Variants in SSH2 observed in about 807,000 individuals in gnomAD.
SSH2 encodes slingshot protein phosphatase 2.
Under a neutral mutation model 135.2 loss-of-function variants are expected in SSH2, and 37 were observed. The ratio of observed to expected loss-of-function variants is 0.27; its 90% CI spans 0.21 to 0.36. The LOEUF is 0.36. Among genes scored for constraint, SSH2 ranks in the 10% least tolerant of loss-of-function variants. The pLI is 1.00. For missense variants in SSH2, 1,408 were observed against 1,765.3 expected (o/e 0.80, Z 3.63); for synonymous variants, 628 against 646.2 (o/e 0.97, Z 0.43).
intron 3 of SSH2, among the ~76,000 whole-genome samples, chr17:29,776,980 G>C (rs186660537): frequency 5.9e-5 from 9 of 152,320 alleles, no homozygotes; most frequent in Admixed American, 5.9e-4. Flanking sequence ...GGGAGGCTGA[G>C]GCGGGCAGAT....
intron 12 of SSH2, among the ~76,000 whole-genome samples, chr17:29,652,914 C>T (rs906352104): frequency 3.3e-5 from 5 of 152,254 alleles, no homozygotes; most frequent in Middle Eastern, 3.4e-3. Flanking sequence ...CTTCGGCCTC[C>T]CAAAGTGCTG....
chr17:29,716,300 C>A (rs889195897), intron 3 of SSH2: 19 of 433,390 alleles, frequency 4.4e-5, no homozygotes, highest in African/African-American at 3.9e-4. Context: ...AGGTACCTTT[C>A]TCTTTGGCTT....
At chr17:29,845,405 A>T (rs1312817887) in intron 2 of SSH2, among the ~76,000 whole-genome samples, 1 of 152,188 alleles carries the variant, frequency 6.6e-6, no homozygotes, top group Admixed American at 6.5e-5. Context: ...GGGGAAAAAA[A>T]GGTGTGGGAA....
rs185277012 is a variant in SSH2, at chr17:29,690,357, A to G, written c.357+5102T>C. Among the ~76,000 whole-genome samples the G allele has an allele frequency of 8.7e-5, 13 of 149,628 alleles. No homozygotes were observed. In the East Asian group the frequency reaches 2.6e-3, roughly 30 times the overall value. ...GAGGCGGAGGTTGTGGTGAGCCAAG[A>G]TTGCGCCATTGTACTCCAGCCTGGG... On this transcript the variant is annotated intron_variant, in intron 5 of 15. Transcript: ENST00000540801.
chr17:29,752,825 C>T (rs1156624567), intron 3 of SSH2, among the ~76,000 whole-genome samples: 1 of 136,374 alleles, frequency 7.3e-6, no homozygotes, highest in African/African-American at 3.0e-5. Flanking sequence ...TGGTCAGAAG[C>T]ACACTCAAAT....
chr17:29,826,939 T>C (rs1203419454), intron 2 of SSH2, among the ~76,000 whole-genome samples: 6 of 152,310 alleles, frequency 3.9e-5, no homozygotes, highest in African/African-American at 1.4e-4. Flanking sequence ...AGATGAAGAC[T>C]ATACCAAAAG....
At chr17:29,762,813 T>C (rs1041556052) in intron 3 of SSH2, among the ~76,000 whole-genome samples, 3 of 152,196 alleles carry the variant, frequency 2.0e-5, no homozygotes, top group African/African-American at 7.2e-5. Flanking sequence ...CCAGTCTCAT[T>C]ATGCTACAGC....
intron 1 of SSH2, among the ~76,000 whole-genome samples, chr17:29,900,291 T>C (rs1239052025): frequency 1.3e-5 from 2 of 152,122 alleles, no homozygotes; most frequent in East Asian, 3.9e-4. Context: ...TGGGATCTAA[T>C]TAAACTAAAG....
At chr17:29,836,263 C>T (rs2042942563) in intron 2 of SSH2, among the ~76,000 whole-genome samples, 1 of 151,994 alleles carries the variant, frequency 6.6e-6, no homozygotes, top group Non-Finnish European at 1.5e-5. Flanking sequence ...TTAGAGAGGC[C>T]CTTCTTGAAC....
chr17:29,712,361 C>T (rs997352712), intron 3 of SSH2, among the ~76,000 whole-genome samples: 5 of 152,198 alleles, frequency 3.3e-5, no homozygotes, highest in African/African-American at 1.2e-4. Context: ...CACTTCCCAG[C>T]TTGACTTTTC....
intron 3 of SSH2, among the ~76,000 whole-genome samples, chr17:29,763,733 T>C (rs2041376626): frequency 6.6e-6 from 1 of 152,190 alleles, no homozygotes; most frequent in African/African-American, 2.4e-5. Context: ...TTCATAAATA[T>C]GTATCTTGTC....
chr17:29,909,336 C>A (rs2066723005), intron 1 of SSH2, among the ~76,000 whole-genome samples: 1 of 151,526 alleles, frequency 6.6e-6, no homozygotes. Context: ...TATAAAAATG[C>A]CAAAATCAAG....
At position 29,631,965 on chromosome 17, in the gene SSH2, C is replaced by T. The variant is rs1457575149; in HGVS notation, c.3229G>A (p.Val1077Ile). ...TCATCCAGTGTGCAGAGCACAGTGA[C>T]AGATTTTTCCATGTTCACTTTCCTC... is the stretch of plus-strand genomic sequence containing the variant. ...GLRKVNMEKS[V>I]TVLCTLDENL... Residue 1077 changes from valine to isoleucine, a missense_variant, in exon 16 of 16, where the codon GTC (valine) becomes ATC (isoleucine). By Grantham distance (29) the Val-to-Ile change is conservative. This residue lies in a region of SSH2 where 1,080 missense variants were observed against 1,144.5 expected (regional missense o/e 0.94). Transcript: ENST00000540801. 6.2e-7 allele frequency: 1 copy of T among 1,614,236 alleles called. No individual in the cohort carries two copies. The highest frequency in any genetic ancestry group is 1.1e-5 in the South Asian group (1 of 91,090).
intron 1 of SSH2, 39 bp downstream of exon 1, chr17:29,929,898 GT>G: frequency 6.5e-7 from 1 of 1,546,500 alleles, no homozygotes; most frequent in East Asian, 2.4e-5. Flanking sequence ...CGGAGCCGCA[GT>G]GACAGAAGCA....
chr17:29,667,934 T>G (rs1381872484), intron 9 of SSH2, among the ~76,000 whole-genome samples: 2 of 152,134 alleles, frequency 1.3e-5, no homozygotes, highest in Non-Finnish European at 2.9e-5. Flanking sequence ...TAATATGAAA[T>G]CAAACTAGGT....
intron 12 of SSH2, among the ~76,000 whole-genome samples, chr17:29,655,189 C>T (rs986597830): frequency 2.6e-5 from 4 of 151,960 alleles, no homozygotes; most frequent in Admixed American, 6.6e-5. Flanking sequence ...CTGCAAGCTC[C>T]GCCTCCCAGG....
chr17:29,859,867 A>T (rs754538648), intron 1 of SSH2, among the ~76,000 whole-genome samples: 3 of 151,904 alleles, frequency 2.0e-5, no homozygotes, highest in Non-Finnish European at 4.4e-5. Flanking sequence ...TTTTTTTGAG[A>T]TGGAGTTTCG....
At chr17:29,913,347 A>AAAAAAAAAAAAAAAAAAAAATTATAT in intron 1 of SSH2, among the ~76,000 whole-genome samples, 1 of 28,778 alleles carries the variant, frequency 3.5e-5, no homozygotes, top group Non-Finnish European at 5.9e-5. Context: ...AAAAAAAAAA[A>AAAAAAAAAAAAAAAAAAAAATTATAT]ATATATATAT....
intron 3 of SSH2, among the ~76,000 whole-genome samples, chr17:29,721,739 A>C (rs1398515033): frequency 2.0e-5 from 3 of 152,190 alleles, no homozygotes; most frequent in African/African-American, 7.2e-5. Flanking sequence ...TCAAACAAGA[A>C]AGGGAAAATG....
Sources: allele counts gnomAD v4.1 joint callset (sites outside exome capture counted in the v4.1 genomes callset), GRCh38; gene constraint gnomAD v4.1.1; regional missense constraint gnomAD v4.1.1; transcripts MANE v1.5; gene names NCBI Gene and HGNC (gene_info 2026-07-23, HGNC 2026-07-21).